PTCHD4: variants seen among roughly 807,000 people sequenced by gnomAD.
PTCHD4 encodes patched domain-containing protein 4.
PTCHD4 carries 33 observed loss-of-function variants against 58.1 expected under a neutral mutation model. The observed-to-expected ratio is 0.57, with a 90% CI of 0.43 to 0.76. PTCHD4 has a LOEUF of 0.76. Among genes scored for constraint, PTCHD4 ranks in the 30% least tolerant of loss-of-function variants. The pLI is 0.00. For synonymous variants in PTCHD4, 478 were observed against 409.6 expected, an observed-to-expected ratio of 1.17 and a Z score of -2.02; for missense variants, 1,058 against 1,027.1, an observed-to-expected ratio of 1.03 and a Z score of -0.41.
rs143923413 is a variant in PTCHD4 at position 47,911,488 on chromosome 6, C to T, written c.899-31552G>A. On this transcript the variant is annotated intron_variant, in intron 4 of 4. Transcript: ENST00000339488. ...ACATCACAAGTCTTCTTTTGAGTCA[C>T]CTACTGTGGATTCTTTTTCCATATA... Among the ~76,000 whole-genome samples the T allele has an allele frequency of 3.7e-3, 557 of 152,190 alleles. 7 individuals carry two copies. Among genetic ancestry groups the T allele is most frequent in the African/African-American group, 0.012 (497 of 41,542 alleles).
intron 4 of PTCHD4, among the ~76,000 whole-genome samples, chr6:47,915,955 C>T (rs551553044): frequency 1.7e-4 from 26 of 152,172 alleles, no homozygotes; most frequent in Middle Eastern, 3.4e-3. Context: ...GAAAGATTTC[C>T]GAGCTGCAGA....
chr6:47,880,247 C>T (rs972584680), intron 4 of PTCHD4, among the ~76,000 whole-genome samples: 2 of 152,172 alleles, frequency 1.3e-5, no homozygotes, highest in Non-Finnish European at 2.9e-5. Context: ...CACATATTGT[C>T]TTCCTAAATA....
chr6:47,984,543 G>A (rs899985697), intron 4 of PTCHD4, among the ~76,000 whole-genome samples: 23 of 152,150 alleles, frequency 1.5e-4, no homozygotes, highest in South Asian at 1.2e-3. Context: ...TTTGGGTGAT[G>A]ACACAGCCAA....
chr6:47,868,359 T>C lies in PTCHD4; in HGVS notation c.*9944A>G, dbSNP rs944744470. Among the ~76,000 whole-genome samples the C allele has an allele frequency of 1.3e-5, 2 of 151,720 alleles. No individual in the cohort carries two copies. Among genetic ancestry groups the C allele is most frequent in the Non-Finnish European group, 2.9e-5 (2 of 67,798 alleles). On this transcript the variant is annotated 3_prime_UTR_variant, in exon 5 of 5. Coordinates refer to ENST00000339488, the MANE Select transcript of PTCHD4 (RefSeq NM_001384253.1). ...AATTCTTCCTTTATATGGGGCCTTA[T>C]TATTGTGTAACTGGCTATATAGGAA...
intron 1 of PTCHD4, among the ~76,000 whole-genome samples, chr6:48,088,713 C>G (rs1215105268): frequency 6.6e-6 from 1 of 152,124 alleles, no homozygotes. Flanking sequence ...TCTCTTTTCT[C>G]CTGTCACATA....
At position 47,878,728 on chromosome 6, in the gene PTCHD4, A is replaced by G. The variant is rs1763917659; in HGVS notation, c.2107T>C (p.Trp703Arg). ...GAAATGCAATCCATGTCGACGTTCC[A>G]TAATGTCATTAAGCCCAGAACGCCC... Reference protein sequence around the residue: ...ELGVLGLMTLWNVDMDCISIL... With the variant: ...ELGVLGLMTLRNVDMDCISIL... Residue 703 changes from tryptophan to arginine, a missense_variant, in exon 5 of 5, where the codon TGG becomes CGG. Physicochemically the swap from Trp to Arg is moderately radical, Grantham distance 101 (BLOSUM62 -3). Coordinates refer to ENST00000339488, the MANE Select transcript of PTCHD4 (RefSeq NM_001384253.1). 6.2e-7 allele frequency: 1 copy of G among 1,613,680 alleles called. No individual in the cohort carries two copies. Among genetic ancestry groups the G allele is most frequent in the Non-Finnish European group, 8.5e-7 (1 of 1,179,790 alleles).
chr6:48,067,072 G>T (rs1252311168), intron 3 of PTCHD4, among the ~76,000 whole-genome samples: 4 of 151,910 alleles, frequency 2.6e-5, no homozygotes, highest in Non-Finnish European at 5.9e-5. Context: ...TTTCTTCTTT[G>T]GAAACACCTG....
At chr6:47,903,698 A>C (rs542217746) in intron 4 of PTCHD4, among the ~76,000 whole-genome samples, 37 of 152,348 alleles carry the variant, frequency 2.4e-4, no homozygotes, top group Non-Finnish European at 1.8e-4. Flanking sequence ...AGAATACAGC[A>C]ATAATCAAGG....
intron 4 of PTCHD4, among the ~76,000 whole-genome samples, chr6:47,898,856 G>A (rs898545203): frequency 6.6e-6 from 1 of 152,114 alleles, no homozygotes; most frequent in African/African-American, 2.4e-5. Flanking sequence ...AAGAAGAGAA[G>A]CAAGTGTCCT....
At chr6:48,023,085 T>C (rs1342295574) in intron 3 of PTCHD4, among the ~76,000 whole-genome samples, 3 of 152,170 alleles carry the variant, frequency 2.0e-5, no homozygotes, top group Non-Finnish European at 1.5e-5. Flanking sequence ...ATGTTAAATA[T>C]GTTTGGACTA....
chr6:47,886,033 G>T (rs1434562560), intron 4 of PTCHD4, among the ~76,000 whole-genome samples: 1 of 151,774 alleles, frequency 6.6e-6, no homozygotes, highest in Admixed American at 6.6e-5. Context: ...GGCCAGGCTG[G>T]TCTCAAACTC....
In PTCHD4 at chr6:47,878,862, A is replaced by G. The variant is rs1265644892; in HGVS notation, c.1973T>C (p.Val658Ala). ...GAGAACACCAAAGCCTGCAATCAGA[A>G]CAGGCACTGTGACAGACAAGCTGTA... Reference protein sequence around the residue: ...DHYSLSVTVPVLIAGFGVLLV... With the variant: ...DHYSLSVTVPALIAGFGVLLV... The change falls in exon 5 of 5, where the codon GTT becomes GCT. Residue 658 changes from valine to alanine, a missense_variant. By Grantham distance (64) the Val-to-Ala change is moderately conservative (BLOSUM62 0). Coordinates refer to ENST00000339488, the MANE Select transcript of PTCHD4 (RefSeq NM_001384253.1). 2 of 1,613,738 alleles carry G rather than the reference A, an allele frequency of 1.2e-6. No individual in the cohort carries two copies. Among genetic ancestry groups the G allele is most frequent in the Admixed American group, 1.7e-5 (1 of 59,976 alleles).
intron 4 of PTCHD4, among the ~76,000 whole-genome samples, chr6:47,892,359 G>A (rs1349692264): frequency 6.6e-6 from 1 of 152,148 alleles, no homozygotes; most frequent in African/African-American, 2.4e-5. Flanking sequence ...CATTTGTTGA[G>A]GGATCATTTA....
intron 3 of PTCHD4, among the ~76,000 whole-genome samples, chr6:48,025,291 G>A (rs1763203842): frequency 6.6e-6 from 1 of 151,988 alleles, no homozygotes; most frequent in Admixed American, 6.6e-5. Flanking sequence ...ATACACAGTG[G>A]GAAATGCAAA....
chr6:47,893,379 G>T (rs1007132360), intron 4 of PTCHD4, among the ~76,000 whole-genome samples: 4 of 152,168 alleles, frequency 2.6e-5, no homozygotes, highest in African/African-American at 9.7e-5. Flanking sequence ...AAAAGAAAAG[G>T]TTGTATGTGT....
Position 47,868,090 on chromosome 6 carries a change from G to A in PTCHD4, c.*10213C>T, listed in dbSNP as rs1452408167. On this transcript the variant is annotated 3_prime_UTR_variant, in exon 5 of 5. Coordinates refer to ENST00000339488, the MANE Select transcript of PTCHD4 (RefSeq NM_001384253.1). Reference sequence around the variant, plus strand: ...TCCTTTGTTTTTAAAGCCTAACTAAGCTAATGAACAGAAACTAAATAAAAA... The same window carrying A: ...TCCTTTGTTTTTAAAGCCTAACTAAACTAATGAACAGAAACTAAATAAAAA... Among the ~76,000 whole-genome samples the A allele has an allele frequency of 6.6e-6, 1 of 151,502 alleles. No individual in the cohort carries two copies. The highest frequency in any genetic ancestry group is 1.9e-4 in the East Asian group (1 of 5,144).
Position 47,935,549 on chromosome 6 carries a change from G to T in PTCHD4, c.899-55613C>A, listed in dbSNP as rs1378058068. Among the ~76,000 whole-genome samples the T allele has an allele frequency of 5.3e-5, 8 of 152,132 alleles. No individual in the cohort carries two copies. In the South Asian group the frequency reaches 8.3e-4, roughly 16 times the overall value. On this transcript the variant is annotated intron_variant, in intron 4 of 4. Transcript: ENST00000339488. ...CATCAAGGGAGGCCTCAAACCCCAAGAAAGCATTTTAGGAGGAATTCATCA... is the reference window on the plus strand; with the variant it reads ...CATCAAGGGAGGCCTCAAACCCCAATAAAGCATTTTAGGAGGAATTCATCA...
intron 4 of PTCHD4, among the ~76,000 whole-genome samples, chr6:47,963,767 T>G (rs1767186614): frequency 6.6e-6 from 1 of 152,218 alleles, no homozygotes; most frequent in Admixed American, 6.5e-5. Context: ...GTGCTGATTT[T>G]TTAATCGTTA....
intron 4 of PTCHD4, chr6:47,901,192 TA>T (rs70999652): frequency 0.013 from 1,888 of 149,988 alleles, 13 homozygotes; most frequent in Middle Eastern, 0.038. Context: ...AAAATAAAAA[TA>T]AAAAAAAATA....
Sources: gnomAD v4.1 joint callset for allele counts (sites outside exome capture counted in the v4.1 genomes callset) on GRCh38, gnomAD v4.1.1 for gene constraint, MANE v1.5 for transcripts, NCBI Gene and HGNC (gene_info 2026-07-23, HGNC 2026-07-21) for gene names.